Variants in ZC2HC1A observed in about 807,000 individuals in gnomAD.
The protein encoded by ZC2HC1A is zinc finger C2HC domain-containing protein 1A.
A neutral mutation model predicts 40.7 loss-of-function variants in ZC2HC1A; 28 were observed. The ratio of observed to expected loss-of-function variants is 0.69; its 90% CI spans 0.51 to 0.94. The LOEUF (loss-of-function observed/expected upper bound fraction) is 0.94, where lower values mean the gene tolerates loss of function less well. Ranked by LOEUF, ZC2HC1A falls within the 40% of genes least tolerant of loss-of-function variation. The pLI, the probability that ZC2HC1A is intolerant of heterozygous loss-of-function variation, is 0.00. For missense variants in ZC2HC1A, 389 were observed against 386.3 expected (o/e 1.01, Z -0.06); for synonymous variants, 129 against 129.2 (o/e 1.00, Z 0.01).
At chr8:78,697,637 T>G (rs1307792352) in intron 6 of ZC2HC1A, 131 bp downstream of exon 6, 7 of 667,100 alleles carry the variant, frequency 1.0e-5, no homozygotes, top group Non-Finnish European at 2.4e-6. Flanking sequence ...AGTTAAGTAA[T>G]TATTTTTTAA....
chr8:78,697,538 T>C (rs1810464500), intron 6 of ZC2HC1A, 32 bp downstream of exon 6: 1 of 1,544,566 alleles, frequency 6.5e-7, no homozygotes, highest in South Asian at 1.2e-5. Context: ...CTTGATTTGT[T>C]TTTGAAACCA....
chr8:78,714,173 A>T (rs183255373), intron 7 of ZC2HC1A, among the ~76,000 whole-genome samples: 65 of 152,298 alleles, frequency 4.3e-4, no homozygotes, highest in Non-Finnish European at 8.1e-4. Flanking sequence ...CTATGCTTCA[A>T]TGAACATCTA....
chr8:78,709,718 C>T (rs919900613), intron 7 of ZC2HC1A, among the ~76,000 whole-genome samples: 1 of 141,632 alleles, frequency 7.1e-6, no homozygotes, highest in African/African-American at 2.6e-5. Flanking sequence ...AGCTGATGAA[C>T]TAAAAAAAAA....
At chr8:78,682,085 T>G (rs1258342500) in intron 3 of ZC2HC1A, among the ~76,000 whole-genome samples, 1 of 152,076 alleles carries the variant, frequency 6.6e-6, no homozygotes, top group Non-Finnish European at 1.5e-5. Context: ...ATTCAACACA[T>G]AATTCTTGAT....
At chr8:78,708,871 T>C (rs185381523) in intron 7 of ZC2HC1A, among the ~76,000 whole-genome samples, 22 of 152,216 alleles carry the variant, frequency 1.4e-4, no homozygotes, top group Middle Eastern at 3.4e-3. Flanking sequence ...GTTTTCACCA[T>C]GTTAGGCTGG....
At chr8:78,701,323 G>T (rs951430677) in intron 7 of ZC2HC1A, among the ~76,000 whole-genome samples, 3 of 152,124 alleles carry the variant, frequency 2.0e-5, no homozygotes, top group Admixed American at 6.6e-5. Flanking sequence ...GAATGCTAGT[G>T]ATTTTTGCAC....
At chr8:78,693,216 G>A (rs1282211829) in intron 5 of ZC2HC1A, among the ~76,000 whole-genome samples, 1 of 152,158 alleles carries the variant, frequency 6.6e-6, no homozygotes, top group Non-Finnish European at 1.5e-5. Flanking sequence ...CTTTATAGCA[G>A]CATGATTTAT....
At chr8:78,699,957 ATATATTCTTCTGGG>A (rs1370225682) in intron 7 of ZC2HC1A, among the ~76,000 whole-genome samples, 1 of 152,016 alleles carries the variant, frequency 6.6e-6, no homozygotes, top group Non-Finnish European at 1.5e-5. Flanking sequence ...ATAGAATGAT[ATATATTCTTCTGGG>A]TATATACTCA....
At position 78,715,272 on chromosome 8, in the gene ZC2HC1A, T is replaced by A. The variant is rs917728318; in HGVS notation, c.756T>A (p.Pro252=). ...NSTPPSLARN[P]APGVLTNKRK... is the part of the protein sequence containing the mutation. ...CACCACCTAGTTTGGCAAGAAATCC[T>A]GCCCCAGGTGTGCTTACAAACAAAA... is the stretch of plus-strand genomic sequence containing the variant. Residue 252 remains proline (P), a synonymous_variant, in exon 8 of 9, where the codon CCT becomes CCA. Coordinates refer to ENST00000263849, the MANE Select transcript of ZC2HC1A (RefSeq NM_016010.3). 6.2e-7 allele frequency: 1 copy of A among 1,613,956 alleles called. No individual in the cohort carries two copies. The highest frequency in any genetic ancestry group is 8.5e-7 in the Non-Finnish European group (1 of 1,179,922).
intron 1 of ZC2HC1A, among the ~76,000 whole-genome samples, chr8:78,672,405 AC>A (rs887280947): frequency 3.1e-4 from 47 of 152,166 alleles, no homozygotes; most frequent in Non-Finnish European, 2.4e-4. Context: ...TTCAAATAAT[AC>A]ATGCGGTTTG....
intron 7 of ZC2HC1A, among the ~76,000 whole-genome samples, chr8:78,710,988 A>G (rs2130601413): frequency 6.6e-6 from 1 of 152,228 alleles, no homozygotes; most frequent in East Asian, 1.9e-4. Context: ...ACTAAACTCC[A>G]TAAGAACAGG....
At chr8:78,709,025 T>A (rs1810872894) in intron 7 of ZC2HC1A, among the ~76,000 whole-genome samples, 1 of 152,232 alleles carries the variant, frequency 6.6e-6, no homozygotes, top group Admixed American at 6.5e-5. Context: ...ACAGATCTTT[T>A]AAATAAATAT....
Position 78,717,730 on chromosome 8 carries a change from A to G in ZC2HC1A, c.*237A>G, listed in dbSNP as rs1811150959. 1 of 295,216 alleles carries G rather than the reference A, an allele frequency of 3.4e-6. No homozygotes were observed. The highest frequency in any genetic ancestry group is 6.2e-6 in the Non-Finnish European group (1 of 161,414). 18.3% of individuals were successfully genotyped at this position (295,216 alleles called of 1,614,324 possible). ...GTGTCATTCAAGGAAATATTCACTTATCTGTCAGAAAATAATTTCAAATGG... is the reference window on the plus strand; with the variant it reads ...GTGTCATTCAAGGAAATATTCACTTGTCTGTCAGAAAATAATTTCAAATGG... On this transcript the variant is annotated 3_prime_UTR_variant, in exon 9 of 9. Transcript: ENST00000263849.
At position 78,678,551 on chromosome 8, in the gene ZC2HC1A, T is replaced by C. The variant is rs1336290469; in HGVS notation, c.94-12T>C. ...AAAGAAAATGATAGGCTGCATTTCT[T>C]TATCTTAACAGAAAAAACATGGACC... On this transcript the variant is annotated splice_polypyrimidine_tract_variant and intron_variant, in intron 2 of 8. Transcript: ENST00000263849. The C allele has an allele frequency of 1.9e-6, 3 of 1,596,328 alleles. No individual in the cohort carries two copies. Among genetic ancestry groups the C allele is most frequent in the Non-Finnish European group, 2.6e-6 (3 of 1,172,580 alleles).
At position 78,719,131 on chromosome 8, in the gene ZC2HC1A, G is replaced by T. The variant is rs901721446; in HGVS notation, c.*1638G>T. 2.0e-5 allele frequency: 3 copies of T among 151,744 alleles called. No individual in the cohort carries two copies. Among genetic ancestry groups the T allele is most frequent in the African/African-American group, 7.2e-5 (3 of 41,430 alleles). The allele number at this position is 151,744 out of a possible 1,614,324, so 9.4% of individuals were successfully genotyped here. On this transcript the variant is annotated 3_prime_UTR_variant, in exon 9 of 9. Transcript: ENST00000263849. ...ATAAGCTGTAATGAATTTAGAAGATGAATGCATATATTAGATTTCCATTTA... is the reference window on the plus strand; with the variant it reads ...ATAAGCTGTAATGAATTTAGAAGATTAATGCATATATTAGATTTCCATTTA...
At chr8:78,707,513 A>T (rs934479585) in intron 7 of ZC2HC1A, among the ~76,000 whole-genome samples, 3 of 152,202 alleles carry the variant, frequency 2.0e-5, no homozygotes, top group Non-Finnish European at 4.4e-5. Flanking sequence ...TGACCAACAT[A>T]CCTGGTTACT....
intron 5 of ZC2HC1A, among the ~76,000 whole-genome samples, chr8:78,693,281 G>C (rs2130521415): frequency 6.6e-6 from 1 of 151,844 alleles, no homozygotes; most frequent in South Asian, 2.1e-4. Flanking sequence ...GGTATTTCTA[G>C]TTCTAGATCC....
chr8:78,693,109 A>G (rs1810268514), intron 5 of ZC2HC1A, among the ~76,000 whole-genome samples: 1 of 151,724 alleles, frequency 6.6e-6, no homozygotes. Flanking sequence ...TATGTGCCAC[A>G]TTTTCTTAAT....
chr8:78,696,660 T>A (rs764695010), intron 5 of ZC2HC1A, among the ~76,000 whole-genome samples: 2 of 152,182 alleles, frequency 1.3e-5, no homozygotes, highest in Non-Finnish European at 2.9e-5. Context: ...AGATCTTAGG[T>A]CAATGCATAC....
Sources: gnomAD v4.1 joint callset for allele counts (sites outside exome capture counted in the v4.1 genomes callset) on GRCh38, gnomAD v4.1.1 for gene constraint, MANE v1.5 for transcripts, NCBI Gene and HGNC (gene_info 2026-07-23, HGNC 2026-07-21) for gene names.